Variants in ST3GAL1 observed in about 807,000 individuals in gnomAD.
ST3GAL1 encodes the protein CMP-N-acetylneuraminate-beta-galactosamide-alpha-2,3-sialyltransferase 1.
Under a neutral mutation model 34.1 loss-of-function variants are expected in ST3GAL1, and 16 were observed. The observed-to-expected ratio is 0.47, with a 90% confidence interval of 0.32 to 0.71. The LOEUF (loss-of-function observed/expected upper bound fraction) is 0.71. Ranked by LOEUF, ST3GAL1 falls within the 30% of genes least tolerant of loss-of-function variation. The probability of loss-of-function intolerance (pLI) is 0.04; values close to 1 mark genes in which losing one functional copy is unlikely to be tolerated. For synonymous variants in ST3GAL1, 191 were observed against 184.7 expected (o/e 1.03, Z -0.28); for missense variants, 353 against 447.4 (o/e 0.79, Z 1.90).
intron 2 of ST3GAL1, among the ~76,000 whole-genome samples, chr8:133,500,092 G>A (rs957217846): frequency 6.6e-5 from 10 of 152,200 alleles, no homozygotes; most frequent in Non-Finnish European, 1.2e-4. Flanking sequence ...GCTCAGTTGA[G>A]GGCAATAACA....
At chr8:133,529,036 G>A (rs1818063874) in intron 2 of ST3GAL1, among the ~76,000 whole-genome samples, 1 of 152,262 alleles carries the variant, frequency 6.6e-6, no homozygotes, top group South Asian at 2.1e-4. Flanking sequence ...CAAGCTAGTA[G>A]AGAAACACAG....
At chr8:133,554,627 C>A (rs1818953149) in intron 1 of ST3GAL1, among the ~76,000 whole-genome samples, 1 of 152,180 alleles carries the variant, frequency 6.6e-6, no homozygotes, top group South Asian at 2.1e-4. Context: ...TCTGCTACTG[C>A]CTGTCTGATT....
At chr8:133,531,151 A>C (rs1352933478) in intron 2 of ST3GAL1, among the ~76,000 whole-genome samples, 1 of 151,628 alleles carries the variant, frequency 6.6e-6, no homozygotes, top group African/African-American at 2.4e-5. Context: ...TTTTAGAAAT[A>C]ATGTGAAATG....
At chr8:133,480,454 C>T (rs1036666725) in intron 3 of ST3GAL1, among the ~76,000 whole-genome samples, 2 of 152,126 alleles carry the variant, frequency 1.3e-5, no homozygotes, top group African/African-American at 2.4e-5. Context: ...ATACCCATCA[C>T]AGGCTGGGAT....
chr8:133,505,602 T>G (rs964565037), intron 2 of ST3GAL1, among the ~76,000 whole-genome samples: 1 of 141,954 alleles, frequency 7.0e-6, no homozygotes, highest in African/African-American at 2.7e-5. Flanking sequence ...TTCTTTCTTT[T>G]CTTTTCTTTT....
chr8:133,549,628 A>G (rs1303190678), intron 1 of ST3GAL1, among the ~76,000 whole-genome samples: 1 of 152,056 alleles, frequency 6.6e-6, no homozygotes, highest in Non-Finnish European at 1.5e-5. Flanking sequence ...ATTGGATTCC[A>G]AATTCCAACT....
chr8:133,524,132 T>C (rs943415197), intron 2 of ST3GAL1, among the ~76,000 whole-genome samples: 1 of 152,222 alleles, frequency 6.6e-6, no homozygotes, highest in Non-Finnish European at 1.5e-5. Flanking sequence ...ATTGCTCCTA[T>C]ACCTTGACTC....
At chr8:133,551,329 G>T (rs1818828832) in intron 1 of ST3GAL1, among the ~76,000 whole-genome samples, 1 of 151,998 alleles carries the variant, frequency 6.6e-6, no homozygotes, top group African/African-American at 2.4e-5. Flanking sequence ...TTAGCTAGGT[G>T]TGATGGTGTG....
At chr8:133,476,814 T>C (rs1249475649) in intron 3 of ST3GAL1, among the ~76,000 whole-genome samples, 2 of 152,266 alleles carry the variant, frequency 1.3e-5, no homozygotes, top group Non-Finnish European at 2.9e-5. Context: ...TATTATGGGA[T>C]GCAGAAGGTG....
intron 2 of ST3GAL1, among the ~76,000 whole-genome samples, chr8:133,504,240 T>G (rs1283561543): frequency 6.6e-6 from 1 of 152,194 alleles, no homozygotes; most frequent in South Asian, 2.1e-4. Context: ...GCCTCAGAAC[T>G]TGGACTAGAA....
chr8:133,549,570 C>A (rs1439450703), intron 1 of ST3GAL1, among the ~76,000 whole-genome samples: 1 of 152,180 alleles, frequency 6.6e-6, no homozygotes, highest in Non-Finnish European at 1.5e-5. Context: ...TGAACCAATT[C>A]TTTCATTGGT....
chr8:133,490,361 T>C (rs943518790), intron 3 of ST3GAL1, among the ~76,000 whole-genome samples: 3 of 152,184 alleles, frequency 2.0e-5, no homozygotes, highest in African/African-American at 7.2e-5. Flanking sequence ...AGAACACAGC[T>C]GGCGGCATGC....
At chr8:133,523,209 T>TC (rs1554617024) in intron 2 of ST3GAL1, among the ~76,000 whole-genome samples, 1 of 151,926 alleles carries the variant, frequency 6.6e-6, no homozygotes, top group African/African-American at 2.4e-5. Flanking sequence ...AACTCTTCTG[T>TC]GGGGGGTTGC....
In ST3GAL1 at chr8:133,508,039, C is replaced by A. The variant is rs763245029; in HGVS notation, c.-428-8850G>T. On this transcript the variant is annotated intron_variant, in intron 2 of 9. Transcript: ENST00000522652. The surrounding 1 kb of genome is among the most constrained non-coding windows in gnomAD (Gnocchi z 4.1). ...CACCCCCCACACCCTAGGCAGCCCA[C>A]AGACAATGACAGAGGGACATGGGGT... 6.6e-6 allele frequency among the ~76,000 whole-genome samples: 1 copy of A among 152,234 alleles called. No homozygotes were observed. Among genetic ancestry groups the A allele is most frequent in the East Asian group, 1.9e-4 (1 of 5,184 alleles).
chr8:133,480,048 C>T lies in ST3GAL1; in HGVS notation c.-373-3448G>A, dbSNP rs190327566. 6.6e-5 allele frequency among the ~76,000 whole-genome samples: 10 copies of T among 152,172 alleles called. No individual in the cohort carries two copies. The East Asian group carries it at 9.7e-4, about 15-fold the overall frequency. On this transcript the variant is annotated intron_variant, in intron 3 of 9. Coordinates refer to ENST00000522652, the MANE Select transcript of ST3GAL1 (RefSeq NM_173344.3). ...CAAAGATCTCTGCATGTCAAGTGTG[C>T]GGTGAGGGAGGCCGGGCCCCCCAGA...
chr8:133,496,955 T>C (rs546628757), intron 3 of ST3GAL1, among the ~76,000 whole-genome samples: 5 of 152,000 alleles, frequency 3.3e-5, no homozygotes, highest in African/African-American at 1.2e-4. Context: ...GAACCTGGGG[T>C]CCCTAACTTC....
intron 3 of ST3GAL1, among the ~76,000 whole-genome samples, chr8:133,491,406 AAAG>A (rs1361932632): frequency 6.6e-6 from 1 of 152,142 alleles, no homozygotes; most frequent in Non-Finnish European, 1.5e-5. Flanking sequence ...GGAGGCTGAT[AAAG>A]AAGAGACAAT....
At chr8:133,478,857 G>C (rs951796099) in intron 3 of ST3GAL1, among the ~76,000 whole-genome samples, 1 of 152,202 alleles carries the variant, frequency 6.6e-6, no homozygotes, top group Admixed American at 6.5e-5. Context: ...CACTATGGCA[G>C]TGACCCTGTC....
intron 2 of ST3GAL1, among the ~76,000 whole-genome samples, chr8:133,503,185 T>G (rs1484171574): frequency 6.6e-6 from 1 of 152,232 alleles, no homozygotes; most frequent in Non-Finnish European, 1.5e-5. Flanking sequence ...TTGGAAGATT[T>G]TGTTATGCAG....
Sources: allele counts gnomAD v4.1 joint callset (sites outside exome capture counted in the v4.1 genomes callset), GRCh38; gene constraint gnomAD v4.1.1; non-coding constraint Gnocchi (gnomAD v3.1); transcripts MANE v1.5; gene names NCBI Gene and HGNC (gene_info 2026-07-23, HGNC 2026-07-21).